Variants in MTHFD1 observed in about 807,000 individuals in gnomAD.
MTHFD1 encodes the protein methylenetetrahydrofolate dehydrogenase, cyclohydrolase and formyltetrahydrofolate synthetase 1.
In MTHFD1, 44 loss-of-function variants were observed where a neutral mutation model predicts 110.3. The ratio of observed to expected loss-of-function variants is 0.40; its 90% CI spans 0.31 to 0.51. The LOEUF (loss-of-function observed/expected upper bound fraction) is 0.51, where lower values mean the gene tolerates loss of function less well. Among genes scored for constraint, MTHFD1 ranks in the 20% least tolerant of loss-of-function variants. The probability of loss-of-function intolerance (pLI) is 0.60; values close to 1 mark genes in which losing one functional copy is unlikely to be tolerated. For missense variants in MTHFD1, 909 were observed against 1,173.1 expected, an observed-to-expected ratio of 0.77 and a Z score of 3.29; for synonymous variants, 402 against 428.8, an observed-to-expected ratio of 0.94 and a Z score of 0.77.
At chr14:64,438,805 T>C (rs2078225675) in intron 16 of MTHFD1, among the ~76,000 whole-genome samples, 1 of 152,214 alleles carries the variant, frequency 6.6e-6, no homozygotes, top group Non-Finnish European at 1.5e-5. Flanking sequence ...TTTTCTTATA[T>C]GTGGAATATG....
chr14:64,431,944 A>ATTTTAT (rs2078163800), intron 15 of MTHFD1, 83 bp downstream of exon 15: 2 of 1,216,120 alleles, frequency 1.6e-6, no homozygotes, highest in African/African-American at 1.5e-5. Flanking sequence ...GTCTTCTTGG[A>ATTTTAT]GTAGCCTATT....
chr14:64,426,900 G>A (rs989788633), intron 11 of MTHFD1, among the ~76,000 whole-genome samples: 8 of 152,148 alleles, frequency 5.3e-5, no homozygotes, highest in Non-Finnish European at 7.3e-5. Context: ...AATTATAGCC[G>A]TGTCTCTACA....
chr14:64,414,815 G>C (rs937035747), intron 4 of MTHFD1, among the ~76,000 whole-genome samples: 26 of 151,746 alleles, frequency 1.7e-4, no homozygotes, highest in Non-Finnish European at 1.8e-4. Flanking sequence ...TCAGCCTCCC[G>C]AGTAGCTAGG....
chr14:64,402,647 CA>C (rs1209320151), intron 2 of MTHFD1, among the ~76,000 whole-genome samples: 1 of 151,702 alleles, frequency 6.6e-6, no homozygotes, highest in East Asian at 1.9e-4. Flanking sequence ...CCCATCTCCA[CA>C]AAAAAATTAA....
At chr14:64,408,084 T>G (rs988368496) in intron 2 of MTHFD1, among the ~76,000 whole-genome samples, 2 of 152,006 alleles carry the variant, frequency 1.3e-5, no homozygotes, top group Admixed American at 6.6e-5. Context: ...GCTGCCCAGT[T>G]TATAAAGAGT....
intron 12 of MTHFD1, 136 bp downstream of exon 12, chr14:64,427,609 T>C: frequency 1.1e-6 from 1 of 911,328 alleles, no homozygotes; most frequent in Non-Finnish European, 1.8e-6. Flanking sequence ...CACAAACCTC[T>C]GTAGTCATGC....
intron 2 of MTHFD1, among the ~76,000 whole-genome samples, chr14:64,403,821 A>C (rs1566556192): frequency 6.6e-6 from 1 of 152,214 alleles, no homozygotes; most frequent in Non-Finnish European, 1.5e-5. Flanking sequence ...TCCTGAGATT[A>C]CAGGCATGAG....
rs1278442289 is a variant in MTHFD1 at position 64,388,392 on chromosome 14, G to A, written c.-36G>A. 10 of 1,614,100 alleles carry A rather than the reference G, an allele frequency of 6.2e-6. No individual in the cohort carries two copies. Among genetic ancestry groups the A allele is most frequent in the Non-Finnish European group, 7.6e-6 (9 of 1,180,048 alleles). On this transcript the variant is annotated 5_prime_UTR_variant, in exon 1 of 28. The change creates a new upstream start codon in the 5' untranslated region. Transcript: ENST00000652337. ...CGGAGGGAGTGGAACCTCGATATTG[G>A]TGGTGTCCATCGTGGGCAGCGGACT...
intron 16 of MTHFD1, among the ~76,000 whole-genome samples, chr14:64,436,062 T>C (rs2078203698): frequency 6.6e-6 from 1 of 152,178 alleles, no homozygotes; most frequent in African/African-American, 2.4e-5. Context: ...GTGGCATAAA[T>C]GACTTGATTT....
intron 12 of MTHFD1, 115 bp from the exon 13 acceptor site, chr14:64,430,069 A>T (rs572395618): frequency 1.4e-5 from 13 of 949,300 alleles, no homozygotes; most frequent in East Asian, 2.4e-5. Context: ...ATGATTCTAA[A>T]AAATAAATAA....
At chr14:64,458,066 T>A in intron 26 of MTHFD1, 148 bp from the exon 27 acceptor site, 1 of 731,568 alleles carries the variant, frequency 1.4e-6, no homozygotes, top group Non-Finnish European at 2.5e-6. Context: ...AATTTTTTAT[T>A]TCCTGTAGAG....
intron 8 of MTHFD1, 90 bp downstream of exon 8, chr14:64,420,015 TTTTA>T: frequency 1.1e-6 from 1 of 933,238 alleles, no homozygotes; most frequent in South Asian, 1.4e-5. Context: ...GCTTGTCTCA[TTTTA>T]TGCTTGTAGT....
chr14:64,408,086 A>G (rs1240995236), intron 2 of MTHFD1, among the ~76,000 whole-genome samples: 2 of 152,156 alleles, frequency 1.3e-5, no homozygotes, highest in Non-Finnish European at 2.9e-5. Context: ...TGCCCAGTTT[A>G]TAAAGAGTTA....
At chr14:64,415,600 T>C (rs1259221333) in intron 5 of MTHFD1, 39 bp from the exon 6 acceptor site, 2 of 1,611,662 alleles carry the variant, frequency 1.2e-6, no homozygotes, top group East Asian at 2.2e-5. Context: ...AGACATCTAA[T>C]TGCCTTTATT....
chr14:64,410,407 T>TG (rs34498014), intron 2 of MTHFD1, among the ~76,000 whole-genome samples: 12,151 of 148,152 alleles, frequency 0.082, 549 homozygotes, highest in African/African-American at 0.097. Flanking sequence ...TTTGTAAAGA[T>TG]GGGGGGGGGG....
In MTHFD1 at chr14:64,458,313, T is replaced by C. The variant is rs183668402; in HGVS notation, c.*4+6T>C. On this transcript the variant is annotated splice_donor_region_variant and intron_variant, in intron 27 of 27. Coordinates refer to ENST00000652337, the MANE Select transcript of MTHFD1 (RefSeq NM_005956.4). ...GAATGGATTATTCTAAACAGGTAAG[T>C]TGTTACTGGGTAATAATTTGGCTTT... 2 of 1,595,098 alleles carry C rather than the reference T, an allele frequency of 1.3e-6. No individual in the cohort carries two copies. The highest frequency in any genetic ancestry group is 2.2e-5 in the South Asian group (2 of 90,728).
chr14:64,400,960 CT>C (rs889517074), intron 2 of MTHFD1, 83 bp downstream of exon 2: 1,257 of 1,011,220 alleles, frequency 1.2e-3, no homozygotes, highest in Non-Finnish European at 1.4e-3. Context: ...TACTTTCCTC[CT>C]TTTTTTTTGG....
At chr14:64,451,395 CT>C (rs1163677097) in intron 24 of MTHFD1, among the ~76,000 whole-genome samples, 3 of 152,188 alleles carry the variant, frequency 2.0e-5, no homozygotes, top group African/African-American at 7.2e-5. Context: ...AAACTTATTA[CT>C]CTTGAGTTTT....
At position 64,439,977 on chromosome 14, in the gene MTHFD1, T is replaced by C. The variant is rs556106739; in HGVS notation, c.1675-149T>C. 65 of 575,060 alleles carry C rather than the reference T, an allele frequency of 1.1e-4. 1 individual carries two copies. Among genetic ancestry groups the C allele is most frequent in the African/African-American group, 1.1e-3 (59 of 53,306 alleles). 35.6% of individuals were successfully genotyped at this position (575,060 alleles called of 1,614,324 possible). A position where few individuals can be genotyped will look rare whatever the true frequency, so the allele number is the denominator to read the frequency against. On this transcript the variant is annotated intron_variant, in intron 17 of 27. Coordinates refer to ENST00000652337, the MANE Select transcript of MTHFD1 (RefSeq NM_005956.4). ...ATATTTTTTTGCTATTAGAGGATTA[T>C]TTTCATTAAGTATTTTGGGTAGTAT...
Sources: allele counts gnomAD v4.1 joint callset (sites outside exome capture counted in the v4.1 genomes callset), GRCh38; gene constraint gnomAD v4.1.1; transcripts MANE v1.5; gene names NCBI Gene and HGNC (gene_info 2026-07-23, HGNC 2026-07-21).